PCDHA3: variants seen among roughly 807,000 people sequenced by gnomAD.
PCDHA3 encodes the protein protocadherin alpha-3.
In PCDHA3, 41 loss-of-function variants were observed where a neutral mutation model predicts 62.2. The observed-to-expected ratio is 0.66, with a 90% CI of 0.51 to 0.86. The LOEUF (loss-of-function observed/expected upper bound fraction) is 0.86, where lower values mean the gene tolerates loss of function less well. PCDHA3 is among the 40% of genes least tolerant of loss of function. The pLI is 0.00. For synonymous variants in PCDHA3, 640 were observed against 555.4 expected (o/e 1.15, Z -2.14); for missense variants, 1,304 against 1,241.2 (o/e 1.05, Z -0.76).
At chr5:140,812,247 A>T (rs189584389) in intron 1 of PCDHA3, 1 of 151,858 alleles carries the variant, frequency 6.6e-6, no homozygotes, top group Non-Finnish European at 1.5e-5. Context: ...GGTAGTTTGT[A>T]TGTTTCTAGG....
chr5:140,964,785 C>T (rs890090665), intron 1 of PCDHA3, among the ~76,000 whole-genome samples: 2 of 151,408 alleles, frequency 1.3e-5, no homozygotes, highest in East Asian at 3.9e-4. Context: ...GAGGAAGAAG[C>T]CAGAGACCCA....
chr5:140,933,333 A>G (rs1215342457), intron 1 of PCDHA3, among the ~76,000 whole-genome samples: 1 of 152,032 alleles, frequency 6.6e-6, no homozygotes, highest in Non-Finnish European at 1.5e-5. Flanking sequence ...TGTGCTGTAG[A>G]GAAAGATAAA....
At position 140,810,328 on chromosome 5, in the gene PCDHA3, A is replaced by C. The variant is rs149421696; in HGVS notation, c.2394+6737A>C. 4 of 152,316 alleles carry C rather than the reference A, an allele frequency of 2.6e-5. No homozygotes were observed. The East Asian group carries it at 7.7e-4, about 29-fold the overall frequency. The allele number at this position is 152,316 out of a possible 1,614,324, so 9.4% of individuals were successfully genotyped here. Reference sequence around the variant, plus strand: ...ATTTCTTTGATGCCCATGTACACAGATTTCTCTCAGGTTTTTGCCTAAGAG... The same window carrying C: ...ATTTCTTTGATGCCCATGTACACAGCTTTCTCTCAGGTTTTTGCCTAAGAG... On this transcript the variant is annotated intron_variant, in intron 1 of 3. Transcript: ENST00000522353.
chr5:140,843,962 A>G (rs1554140497), intron 1 of PCDHA3, among the ~76,000 whole-genome samples: 1 of 149,518 alleles, frequency 6.7e-6, no homozygotes, highest in Non-Finnish European at 1.5e-5. Context: ...TTTACTGAAT[A>G]TTTATTTTGG....
intron 1 of PCDHA3, chr5:140,823,584 C>T (rs150338314): frequency 6.2e-7 from 1 of 1,613,978 alleles, no homozygotes; most frequent in Non-Finnish European, 8.5e-7. Flanking sequence ...CGGGCTACAA[C>T]GCTTGGCTTT....
Position 140,808,709 on chromosome 5 carries a change from G to A in PCDHA3, c.2394+5118G>A, listed in dbSNP as rs782467255. 2.0e-5 allele frequency: 33 copies of A among 1,612,114 alleles called. No individual in the cohort carries two copies. Among genetic ancestry groups the A allele is most frequent in the Non-Finnish European group, 1.9e-5 (22 of 1,179,820 alleles). On this transcript the variant is annotated intron_variant, in intron 1 of 3. Coordinates refer to ENST00000522353, the MANE Select transcript of PCDHA3 (RefSeq NM_018906.3). ...AGGGGAGCGCGCGCTGTCGAGCTAC[G>A]TTTCGGTGCATGCGGAGAGCGGCAA...
intron 1 of PCDHA3, among the ~76,000 whole-genome samples, chr5:140,892,759 T>C (rs1422670120): frequency 2.0e-5 from 3 of 152,206 alleles, no homozygotes; most frequent in African/African-American, 4.8e-5. Context: ...ACATTTAAAA[T>C]CCACTCTTCT....
chr5:140,820,418 A>G (rs1280110402), intron 1 of PCDHA3, among the ~76,000 whole-genome samples: 1 of 152,030 alleles, frequency 6.6e-6, no homozygotes, highest in Admixed American at 6.5e-5. Flanking sequence ...ATGTAAAAGT[A>G]TCCAACAATA....
chr5:140,809,057 G>T, intron 1 of PCDHA3: 1 of 1,613,890 alleles, frequency 6.2e-7, no homozygotes, highest in Non-Finnish European at 8.5e-7. Flanking sequence ...CCCGTTCCGC[G>T]TGGGGCTGTA....
chr5:140,850,927 T>C, intron 1 of PCDHA3: 1 of 1,521,264 alleles, frequency 6.6e-7, no homozygotes, highest in Non-Finnish European at 8.8e-7. Flanking sequence ...TATATAATTT[T>C]TTTTCTTGAA....
intron 1 of PCDHA3, chr5:140,875,828 T>C: frequency 6.2e-7 from 1 of 1,614,196 alleles, no homozygotes; most frequent in African/African-American, 1.3e-5. Flanking sequence ...GTTTTCCATG[T>C]GGACGTGGAG....
chr5:140,899,936 T>A (rs1443562291), intron 1 of PCDHA3, among the ~76,000 whole-genome samples: 1 of 152,064 alleles, frequency 6.6e-6, no homozygotes, highest in Non-Finnish European at 1.5e-5. Context: ...GCCTCCTGAA[T>A]AGCTGGGACC....
rs374629500 is a variant in PCDHA3 at position 140,802,825 on chromosome 5, C to A, written c.1628C>A (p.Pro543Gln). ...FQVSARDAGV[P>Q]PLGSNVTLQV... is the part of the protein sequence containing the mutation. ...GTGAGTGCGCGCGATGCGGGCGTGC[C>A]GCCTCTGGGCAGCAACGTGACGCTG... The change falls in exon 1 of 4, where the codon CCG becomes CAG. Residue 543 changes from proline to glutamine, a missense_variant. Pro to Gln is a moderately conservative substitution (Grantham distance 76). Coordinates refer to ENST00000522353, the MANE Select transcript of PCDHA3 (RefSeq NM_018906.3). The A allele has an allele frequency of 5.6e-6, 9 of 1,613,472 alleles. No homozygotes were observed. The highest frequency in any genetic ancestry group is 2.2e-5 in the East Asian group (1 of 44,884).
chr5:140,851,284 A>G, intron 1 of PCDHA3: 1 of 1,040,350 alleles, frequency 9.6e-7, no homozygotes, highest in East Asian at 5.3e-5. Context: ...TTTATAAGAA[A>G]CCCAAGCAAA....
chr5:140,873,893 T>G (rs1308011914), intron 1 of PCDHA3, among the ~76,000 whole-genome samples: 2 of 152,166 alleles, frequency 1.3e-5, no homozygotes, highest in Non-Finnish European at 2.9e-5. Context: ...ACTCCTGACC[T>G]CAGGTGATCT....
Position 140,882,079 on chromosome 5 carries a change from G to A in PCDHA3, c.2394+78488G>A. ...CTTACACGTTCATGCGCATGGTGTC[G>A]CTCTTCACTGAGAACGTTTCCGCGA... On this transcript the variant is annotated intron_variant, in intron 1 of 3. Transcript: ENST00000522353. The A allele has an allele frequency of 3.1e-6, 3 of 952,852 alleles. No homozygotes were observed. In the East Asian group the frequency reaches 7.8e-5, roughly 25 times the overall value. 59.0% of individuals were successfully genotyped at this position (952,852 alleles called of 1,614,324 possible). A position where few individuals can be genotyped will look rare whatever the true frequency, so the allele number is the denominator to read the frequency against.
At chr5:140,891,818 C>T (rs1331998195) in intron 1 of PCDHA3, among the ~76,000 whole-genome samples, 1 of 152,118 alleles carries the variant, frequency 6.6e-6, no homozygotes, top group Non-Finnish European at 1.5e-5. Context: ...AATAAATTAA[C>T]GGCACTGTAA....
chr5:140,823,533 G>C, intron 1 of PCDHA3: 1 of 1,613,766 alleles, frequency 6.2e-7, no homozygotes, highest in Non-Finnish European at 8.5e-7. Context: ...CAGTGGGTGC[G>C]GGCCACGTGG....
At chr5:140,965,343 T>C (rs1460433512) in intron 1 of PCDHA3, among the ~76,000 whole-genome samples, 1 of 152,154 alleles carries the variant, frequency 6.6e-6, no homozygotes, top group Admixed American at 6.5e-5. Flanking sequence ...TGTCTCTGTG[T>C]TGCCTCTATA....
Sources: allele counts gnomAD v4.1 joint callset (sites outside exome capture counted in the v4.1 genomes callset), GRCh38; gene constraint gnomAD v4.1.1; transcripts MANE v1.5; gene names NCBI Gene and HGNC (gene_info 2026-07-23, HGNC 2026-07-21).